The following MICAL3 variants were observed in gnomAD, a reference collection of about 807,000 sequenced individuals.
The protein encoded by MICAL3 is microtubule associated monooxygenase, calponin and LIM domain containing 3, also known as [F-actin]-monooxygenase MICAL3.
A neutral mutation model predicts 207.4 loss-of-function variants in MICAL3; 62 were observed. The ratio of observed to expected loss-of-function variants is 0.30; its 90% CI spans 0.24 to 0.37. MICAL3 has a LOEUF of 0.37. MICAL3 is among the 10% of genes least tolerant of loss of function. MICAL3 has a pLI of 1.00. For missense variants in MICAL3, 2,368 were observed against 2,635.6 expected (o/e 0.90, Z 2.22); for synonymous variants, 1,077 against 1,069.3 (o/e 1.01, Z -0.14).
chr22:17,912,911 C>T (rs929151416), intron 1 of MICAL3, among the ~76,000 whole-genome samples: 3 of 152,174 alleles, frequency 2.0e-5, no homozygotes, highest in South Asian at 2.1e-4. Flanking sequence ...CCTGATCATA[C>T]GAGGAAAAGC....
In MICAL3 at chr22:17,948,912, C is replaced by CAAAA. The variant is rs112234424; in HGVS notation, c.-74-42030_-74-42027dup. Among the ~76,000 whole-genome samples, 6 of 106,658 alleles carry CAAAA rather than the reference C, an allele frequency of 5.6e-5. 1 individual carries two copies. Among genetic ancestry groups the CAAAA allele is most frequent in the African/African-American group, 2.0e-4 (5 of 24,610 alleles). The allele number at this position is 106,658 out of a possible 152,430, so 70.0% of individuals were successfully genotyped here. ...TGGGTGACAAAGTGAGATGCTGCCT[C>CAAAA]AAAAAAAAAAAAAATTGGCCAGCAC... is the stretch of plus-strand genomic sequence containing the variant. On this transcript the variant is annotated intron_variant, in intron 1 of 31. Transcript: ENST00000441493.
chr22:17,939,416 AAAG>A (rs759313906), intron 1 of MICAL3, among the ~76,000 whole-genome samples: 4 of 152,230 alleles, frequency 2.6e-5, no homozygotes, highest in Admixed American at 6.5e-5. Context: ...CCAGTGCCAC[AAAG>A]AAGAAGGGCT....
chr22:17,819,279 A>C, intron 25 of MICAL3, 150 bp from the exon 26 acceptor site: 1 of 783,712 alleles, frequency 1.3e-6, no homozygotes, highest in South Asian at 5.0e-5. Context: ...CAGCTCCAGG[A>C]AAACCCTTTC....
chr22:17,877,333 TGGAGGTTAGGGAGGTTAG>T (rs1256770924), intron 16 of MICAL3, among the ~76,000 whole-genome samples: 1 of 11,224 alleles, frequency 8.9e-5, no homozygotes, highest in Non-Finnish European at 1.5e-4. Flanking sequence ...AGGGAGGTTA[TGGAGGTTAGGGAGGTTAG>T]GGAGGTTATG....
At chr22:17,881,164 G>T in intron 16 of MICAL3, 2 of 1,514,030 alleles carry the variant, frequency 1.3e-6, no homozygotes, top group Non-Finnish European at 1.8e-6. Context: ...AGACAGGCAG[G>T]CAGACAGAGA....
intron 1 of MICAL3, among the ~76,000 whole-genome samples, chr22:17,940,611 T>A (rs1441737614): frequency 6.6e-6 from 1 of 151,720 alleles, no homozygotes; most frequent in Non-Finnish European, 1.5e-5. Flanking sequence ...GAATAAAAAA[T>A]AAGCTCATTA....
At chr22:17,830,124 A>C (rs965079986) in intron 21 of MICAL3, among the ~76,000 whole-genome samples, 2 of 152,106 alleles carry the variant, frequency 1.3e-5, no homozygotes, top group African/African-American at 4.8e-5. Flanking sequence ...CTGGCCTTGC[A>C]GTTCTGTGTC....
intron 1 of MICAL3, among the ~76,000 whole-genome samples, chr22:17,973,990 C>T (rs1481658840): frequency 6.6e-6 from 1 of 152,136 alleles, no homozygotes. Context: ...TCCTATTTAT[C>T]ACAACAGAAA....
chr22:17,937,312 T>C (rs974298999), intron 1 of MICAL3, among the ~76,000 whole-genome samples: 8 of 152,214 alleles, frequency 5.3e-5, no homozygotes, highest in Non-Finnish European at 1.0e-4. Flanking sequence ...TTATTTTAAA[T>C]TGGACAAGGC....
chr22:18,017,971 C>T (rs1475242821), intron 1 of MICAL3, among the ~76,000 whole-genome samples: 1 of 151,324 alleles, frequency 6.6e-6, no homozygotes, highest in African/African-American at 2.4e-5. Context: ...AGGATGGTCT[C>T]GATCTCCTGA....
chr22:17,934,509 T>C (rs1227724514), intron 1 of MICAL3, among the ~76,000 whole-genome samples: 1 of 152,212 alleles, frequency 6.6e-6, no homozygotes, highest in Non-Finnish European at 1.5e-5. Context: ...TCATACTGAA[T>C]GGGCAAAAAC....
At chr22:17,931,874 T>A (rs1358381750) in intron 1 of MICAL3, among the ~76,000 whole-genome samples, 2 of 152,224 alleles carry the variant, frequency 1.3e-5, no homozygotes, top group Non-Finnish European at 2.9e-5. Flanking sequence ...CACCTTTCAC[T>A]TCATTTGGCA....
intron 29 of MICAL3, among the ~76,000 whole-genome samples, chr22:17,798,717 A>G (rs1268574803): frequency 7.6e-6 from 1 of 131,094 alleles, no homozygotes; most frequent in Non-Finnish European, 1.5e-5. Context: ...TCTGTCACCC[A>G]GGCTGGAGTG....
intron 29 of MICAL3, among the ~76,000 whole-genome samples, chr22:17,795,604 A>G (rs764636409): frequency 2.0e-4 from 31 of 152,262 alleles, no homozygotes; most frequent in Non-Finnish European, 3.1e-4. Context: ...AGAATTAGGA[A>G]ATGAAATTAG....
chr22:17,853,459 T>C (rs929893077), intron 19 of MICAL3, among the ~76,000 whole-genome samples: 2 of 152,228 alleles, frequency 1.3e-5, no homozygotes, highest in African/African-American at 4.8e-5. Flanking sequence ...GTAGAAATGA[T>C]TCTAATTCAC....
At chr22:17,944,297 C>T (rs940279212) in intron 1 of MICAL3, among the ~76,000 whole-genome samples, 3 of 152,190 alleles carry the variant, frequency 2.0e-5, no homozygotes, top group African/African-American at 7.2e-5. Context: ...AAAACACTGG[C>T]CATCTCATGA....
At chr22:17,919,319 C>T (rs1207476628) in intron 1 of MICAL3, among the ~76,000 whole-genome samples, 1 of 152,178 alleles carries the variant, frequency 6.6e-6, no homozygotes, top group Non-Finnish European at 1.5e-5. Flanking sequence ...CCTTGGCCTC[C>T]CACTGGGATT....
chr22:17,965,527 G>A (rs1935107716), intron 1 of MICAL3, among the ~76,000 whole-genome samples: 1 of 152,210 alleles, frequency 6.6e-6, no homozygotes, highest in South Asian at 2.1e-4. Flanking sequence ...AATAACTGCA[G>A]CTATAGTGTA....
intron 1 of MICAL3, among the ~76,000 whole-genome samples, chr22:17,976,535 ATGTGTG>A (rs148517944): frequency 1.1e-3 from 106 of 97,058 alleles, no homozygotes; most frequent in Admixed American, 1.8e-3. Context: ...GTGTATATAT[ATGTGTG>A]TGTGTGTGTG....
Sources: gnomAD v4.1 joint callset for allele counts (sites outside exome capture counted in the v4.1 genomes callset) on GRCh38, gnomAD v4.1.1 for gene constraint, MANE v1.5 for transcripts, NCBI Gene and HGNC (gene_info 2026-07-23, HGNC 2026-07-21) for gene names.